KCNH7: variants seen among roughly 807,000 people sequenced by gnomAD.
The protein encoded by KCNH7 is potassium voltage-gated channel subfamily H member 7.
KCNH7 carries 49 observed loss-of-function variants against 120.8 expected under a neutral mutation model. The observed-to-expected ratio is 0.41, with a 90% CI of 0.32 to 0.51. KCNH7 has a LOEUF of 0.51. Ranked by LOEUF, KCNH7 falls within the 20% of genes least tolerant of loss-of-function variation. The probability of loss-of-function intolerance (pLI) is 0.38; values close to 1 mark genes in which losing one functional copy is unlikely to be tolerated. For synonymous variants in KCNH7, 547 were observed against 516.1 expected, an observed-to-expected ratio of 1.06 and a Z score of -0.81; for missense variants, 1,097 against 1,446.6, an observed-to-expected ratio of 0.76 and a Z score of 3.92.
chr2:162,736,840 T>C (rs938283583), intron 2 of KCNH7, among the ~76,000 whole-genome samples: 5 of 152,214 alleles, frequency 3.3e-5, no homozygotes, highest in Non-Finnish European at 7.3e-5. Flanking sequence ...ATCTTTACTG[T>C]GGTTCTGCAC....
intron 2 of KCNH7, among the ~76,000 whole-genome samples, chr2:162,692,825 A>G (rs572479422): frequency 1.3e-5 from 2 of 152,310 alleles, no homozygotes; most frequent in South Asian, 2.1e-4. Flanking sequence ...ATGAAATCCA[A>G]TAAAAGTAAG....
intron 2 of KCNH7, among the ~76,000 whole-genome samples, chr2:162,686,675 G>A (rs780010602): frequency 2.6e-5 from 4 of 152,064 alleles, no homozygotes; most frequent in African/African-American, 9.7e-5. Context: ...TGTCTCCTTC[G>A]AAATGTTTCC....
At chr2:162,376,364 G>T (rs1296747844) in intron 14 of KCNH7, among the ~76,000 whole-genome samples, 3 of 146,034 alleles carry the variant, frequency 2.1e-5, no homozygotes, top group African/African-American at 8.0e-5. Flanking sequence ...TCAAAGTGTG[G>T]TTTGTTTTTT....
At chr2:162,378,610 A>T (rs76040295) in intron 14 of KCNH7, among the ~76,000 whole-genome samples, 1 of 152,234 alleles carries the variant, frequency 6.6e-6, no homozygotes, top group Non-Finnish European at 1.5e-5. Context: ...AGGCATATCA[A>T]CGATAGAAAT....
At chr2:162,722,833 C>CTTTTTTTTTTTTTTTTTTTTTTTTTTTT (rs1687374336) in intron 2 of KCNH7, among the ~76,000 whole-genome samples, 5 of 44,496 alleles carry the variant, frequency 1.1e-4, no homozygotes, top group South Asian at 6.7e-4. Flanking sequence ...TTTTTTTTTG[C>CTTTTTTTTTTTTTTTTTTTTTTTTTTTT]TTCTCTGAGT....
At chr2:162,601,399 C>CTTTTTTTTTT (rs60201823) in intron 2 of KCNH7, among the ~76,000 whole-genome samples, 116 of 9,562 alleles carry the variant, frequency 0.012, 7 homozygotes, top group East Asian at 0.018. Context: ...ACTTCTTGTG[C>CTTTTTTTTTT]TTTTTTTTTT....
At position 162,835,827 on chromosome 2, in the gene KCNH7, TGTTGCCCTCGAA is replaced by T. The variant is rs201407068; in HGVS notation, c.307+698_307+709del. ...CTCTCATAGCAAGTTTGACAGGAGG[TGTTGCCCTCGAA>T]GTTGAGGTATGACCTTAAGTTTAAG... On this transcript the variant is annotated intron_variant, in intron 2 of 15. Transcript: ENST00000332142. Among the ~76,000 whole-genome samples the T allele has an allele frequency of 8.9e-3, 1,358 of 152,146 alleles. 61 individuals carry two copies. The East Asian group carries it at 0.13, about 15-fold the overall frequency.
chr2:162,514,060 T>C (rs1181117375), intron 4 of KCNH7, among the ~76,000 whole-genome samples: 1 of 151,800 alleles, frequency 6.6e-6, no homozygotes, highest in Non-Finnish European at 1.5e-5. Context: ...TATCCAAGAT[T>C]TGAAAAATCT....
intron 12 of KCNH7, among the ~76,000 whole-genome samples, chr2:162,392,410 A>T (rs1316268760): frequency 6.6e-6 from 1 of 151,912 alleles, no homozygotes; most frequent in African/African-American, 2.4e-5. Context: ...TTCAATTGAA[A>T]TGTGGAGCAA....
chr2:162,690,769 A>G (rs1439685116), intron 2 of KCNH7, among the ~76,000 whole-genome samples: 2 of 152,258 alleles, frequency 1.3e-5, no homozygotes, highest in East Asian at 1.9e-4. Context: ...TTCTCAGATA[A>G]TTGGCATGTT....
intron 2 of KCNH7, among the ~76,000 whole-genome samples, chr2:162,602,675 A>G (rs1694595940): frequency 6.6e-6 from 1 of 152,034 alleles, no homozygotes; most frequent in South Asian, 2.1e-4. Flanking sequence ...TAATATTCCA[A>G]TACTAGTTAT....
At chr2:162,830,173 G>A (rs547477034) in intron 2 of KCNH7, among the ~76,000 whole-genome samples, 29 of 152,196 alleles carry the variant, frequency 1.9e-4, no homozygotes, top group Admixed American at 9.2e-4. Context: ...GGACGATGAT[G>A]GTTTCTTTCG....
intron 2 of KCNH7, among the ~76,000 whole-genome samples, chr2:162,807,242 C>G (rs921133400): frequency 3.9e-5 from 5 of 127,820 alleles, no homozygotes; most frequent in Non-Finnish European, 6.4e-5. Context: ...GAAAACCCAT[C>G]TCCACTAAAA....
chr2:162,441,248 G>A (rs547200657), intron 7 of KCNH7, among the ~76,000 whole-genome samples: 34 of 152,192 alleles, frequency 2.2e-4, no homozygotes, highest in Non-Finnish European at 4.0e-4. Context: ...TGATTATATT[G>A]GATGTTTTAG....
chr2:162,455,524 C>G (rs1029941877), intron 6 of KCNH7, among the ~76,000 whole-genome samples: 4 of 152,154 alleles, frequency 2.6e-5, no homozygotes, highest in Admixed American at 6.6e-5. Context: ...ACCAGCTCCT[C>G]TTTGTACCTC....
chr2:162,617,903 G>A (rs1357332187), intron 2 of KCNH7, among the ~76,000 whole-genome samples: 1 of 151,822 alleles, frequency 6.6e-6, no homozygotes, highest in African/African-American at 2.4e-5. Flanking sequence ...TCTCTTTAAA[G>A]CTCTTCCATA....
chr2:162,442,026 T>TTTTTTTTTTTTTTG (rs1688436622), intron 7 of KCNH7, among the ~76,000 whole-genome samples: 1 of 124,338 alleles, frequency 8.0e-6, no homozygotes, highest in Non-Finnish European at 1.7e-5. Context: ...TTTTTTTTTT[T>TTTTTTTTTTTTTTG]TTTTTTTTGA....
chr2:162,826,922 T>C lies in KCNH7; in HGVS notation c.307+9615A>G, dbSNP rs539770314. Among the ~76,000 whole-genome samples the C allele has an allele frequency of 4.6e-5, 7 of 152,120 alleles. No homozygotes were observed. In the South Asian group the frequency reaches 1.5e-3, roughly 32 times the overall value. ...CTGAGGGACTTAGAGACCTTAGAAA[T>C]GAGCTGAGATTGAAGCCATACAGAA... On this transcript the variant is annotated intron_variant, in intron 2 of 15. Transcript: ENST00000332142.
chr2:162,470,684 A>G (rs1435543890), intron 6 of KCNH7, among the ~76,000 whole-genome samples: 10 of 150,766 alleles, frequency 6.6e-5, no homozygotes, highest in Non-Finnish European at 1.2e-4. Flanking sequence ...GCCTCTGCCC[A>G]GCCGCCCCTA....
Sources: allele counts gnomAD v4.1 joint callset (sites outside exome capture counted in the v4.1 genomes callset), GRCh38; gene constraint gnomAD v4.1.1; transcripts MANE v1.5; gene names NCBI Gene and HGNC (gene_info 2026-07-23, HGNC 2026-07-21).